The following OTOG variants were observed in gnomAD, a reference collection of about 807,000 sequenced individuals.
The protein encoded by OTOG is otogelin.
OTOG carries 296 observed loss-of-function variants against 313.8 expected under a neutral mutation model. The ratio of observed to expected loss-of-function variants is 0.94; its 90% confidence interval spans 0.86 to 1.04. OTOG has a LOEUF of 1.04. Among genes scored for constraint, OTOG ranks in the 50% least tolerant of loss-of-function variants. The pLI is 0.00. For synonymous variants in OTOG, 1,533 were observed against 1,554.9 expected (o/e 0.99, Z 0.33); for missense variants, 3,948 against 3,840.1 (o/e 1.03, Z -0.74).
At chr11:17,613,185 TCTTTCTTTCTTTTCTTTCTTTCTTTC>T (rs1345453249) in intron 38 of OTOG, among the ~76,000 whole-genome samples, 2 of 98,500 alleles carry the variant, frequency 2.0e-5, no homozygotes, top group Non-Finnish European at 4.0e-5. Flanking sequence ...TTTCTTTCTT[TCTTTCTTTCTTTTCTTTCTTTCTTTC>T]TTTCTTTCTT....
intron 24 of OTOG, among the ~76,000 whole-genome samples, chr11:17,589,730 G>A (rs1294241701): frequency 1.3e-5 from 2 of 151,892 alleles, no homozygotes; most frequent in African/African-American, 2.4e-5. Context: ...CTGTTCTCCC[G>A]TTCCCCTTTA....
chr11:17,565,437 T>G (rs559631186), intron 15 of OTOG, among the ~76,000 whole-genome samples: 83 of 152,328 alleles, frequency 5.4e-4, no homozygotes, highest in Middle Eastern at 3.4e-3. Flanking sequence ...GATTATGACC[T>G]TGATCATCTG....
chr11:17,623,656 T>C (rs1205959203), intron 39 of OTOG, among the ~76,000 whole-genome samples: 2 of 152,254 alleles, frequency 1.3e-5, no homozygotes, highest in African/African-American at 4.8e-5. Flanking sequence ...CCTCTGGGTA[T>C]ATACCCAGTA....
Position 17,633,710 on chromosome 11 carries a change from A to G in OTOG, c.7103A>G (p.Gln2368Arg), listed in dbSNP as rs1193352371. ...CTGTGCTCCAGCGACTCCACATACC[A>G]GGCATGTGTGACAGCCTGTGAGCCA... ...PFLCSSDSTYQACVTACEPPK... is the reference protein window; with the variant it reads ...PFLCSSDSTYRACVTACEPPK... Residue 2368 changes from glutamine to arginine, a missense_variant, in exon 43 of 56, where the codon CAG becomes CGG. By Grantham distance (43) the Gln-to-Arg change is conservative. Transcript: ENST00000399397. The G allele has an allele frequency of 1.9e-6, 3 of 1,547,916 alleles. No individual in the cohort carries two copies. Among genetic ancestry groups the G allele is most frequent in the Admixed American group, 2.0e-5 (1 of 50,756 alleles).
chr11:17,615,736 C>T (rs546638929), intron 39 of OTOG, among the ~76,000 whole-genome samples: 1 of 152,138 alleles, frequency 6.6e-6, no homozygotes, highest in African/African-American at 2.4e-5. Context: ...TGAGACCAGC[C>T]TGACCAACAT....
In OTOG at chr11:17,645,545, C is replaced by T. The variant is rs938689915; in HGVS notation, c.8462-19C>T. ...AGCCTGGTCTTGGCCACAGCTGCCT[C>T]ATCCCCCTGTCCCCCCAGGTAAGGA... is the stretch of plus-strand genomic sequence containing the variant. On this transcript the variant is annotated intron_variant, in intron 54 of 55. Coordinates refer to ENST00000399397, the MANE Select transcript of OTOG (RefSeq NM_001292063.2). 1.3e-6 allele frequency: 2 copies of T among 1,549,390 alleles called. No homozygotes were observed. The highest frequency in any genetic ancestry group is 1.7e-6 in the Non-Finnish European group (2 of 1,146,356).
At chr11:17,554,449 T>A (rs1396850429) in intron 6 of OTOG, among the ~76,000 whole-genome samples, 1 of 152,224 alleles carries the variant, frequency 6.6e-6, no homozygotes, top group Non-Finnish European at 1.5e-5. Context: ...ATGCCTAACC[T>A]GTGTGCTAAA....
At chr11:17,623,098 A>G (rs1390933378) in intron 39 of OTOG, among the ~76,000 whole-genome samples, 1 of 152,186 alleles carries the variant, frequency 6.6e-6, no homozygotes, top group Non-Finnish European at 1.5e-5. Context: ...TGATCCATGT[A>G]AGAACATTTT....
chr11:17,613,248 T>TTTCA (rs1853630782), intron 38 of OTOG, among the ~76,000 whole-genome samples: 3 of 140,848 alleles, frequency 2.1e-5, no homozygotes, highest in African/African-American at 8.6e-5. Flanking sequence ...TCTTTCTTTC[T>TTTCA]TTCTTTCTTT....
intron 49 of OTOG, among the ~76,000 whole-genome samples, chr11:17,640,213 T>C (rs1482578211): frequency 6.6e-6 from 1 of 152,132 alleles, no homozygotes; most frequent in Non-Finnish European, 1.5e-5. Context: ...TTGTTTCTGT[T>C]GTTTTCTCAA....
intron 47 of OTOG, 51 bp from the exon 48 acceptor site, chr11:17,638,400 C>T: frequency 2.8e-6 from 4 of 1,425,160 alleles, no homozygotes; most frequent in South Asian, 1.3e-5. Flanking sequence ...TGAGGATTCA[C>T]ATCCCCAGGT....
At chr11:17,639,620 G>A (rs568812299) in intron 49 of OTOG, among the ~76,000 whole-genome samples, 157 bp downstream of exon 49, 56 of 152,292 alleles carry the variant, frequency 3.7e-4, no homozygotes, top group African/African-American at 1.3e-3. Context: ...GGCTTTCTGG[G>A]TATGGTGCCC....
At chr11:17,615,961 G>A (rs1352625778) in intron 39 of OTOG, among the ~76,000 whole-genome samples, 3 of 152,100 alleles carry the variant, frequency 2.0e-5, no homozygotes, top group Non-Finnish European at 4.4e-5. Context: ...TAATTTATAT[G>A]CTTTTTATTT....
At chr11:17,614,949 A>G (rs758810675) in intron 39 of OTOG, among the ~76,000 whole-genome samples, 1 of 152,238 alleles carries the variant, frequency 6.6e-6, no homozygotes, top group Non-Finnish European at 1.5e-5. Flanking sequence ...GCCAAACTGT[A>G]TTCCAGAGCA....
chr11:17,559,757 A>T, intron 12 of OTOG, 95 bp downstream of exon 12: 5 of 401,806 alleles, frequency 1.2e-5, no homozygotes, highest in East Asian at 2.2e-4. Context: ...TGTTTGTGGA[A>T]GGAAGGAAGG....
chr11:17,579,326 T>C (rs1247185266), intron 23 of OTOG, among the ~76,000 whole-genome samples: 1 of 152,160 alleles, frequency 6.6e-6, no homozygotes, highest in Admixed American at 6.5e-5. Flanking sequence ...CAGTTGGAGC[T>C]TTACTGCTTC....
At position 17,626,362 on chromosome 11, in the gene OTOG, G is replaced by A. The variant is rs562226074; in HGVS notation, c.6529-2771G>A. On this transcript the variant is annotated intron_variant, in intron 39 of 55. Transcript: ENST00000399397. ...GGCTAATTTTTGTGTTTTCAGAAGA[G>A]ACAGGGTTTCACCATGTTGGCCAGG... Among the ~76,000 whole-genome samples, 9 of 152,254 alleles carry A rather than the reference G, an allele frequency of 5.9e-5. No individual in the cohort carries two copies. In the East Asian group the frequency reaches 1.7e-3, roughly 29 times the overall value.
Position 17,547,259 on chromosome 11 carries a change from A to T in OTOG, c.-114A>T, listed in dbSNP as rs1851827240. The T allele has an allele frequency of 2.4e-6, 2 of 837,202 alleles. No homozygotes were observed. Among genetic ancestry groups the T allele is most frequent in the Non-Finnish European group, 3.2e-6 (2 of 623,714 alleles). 51.9% of individuals were successfully genotyped at this position (837,202 alleles called of 1,614,324 possible). A position where few individuals can be genotyped will look rare whatever the true frequency, so the allele number is the denominator to read the frequency against. On this transcript the variant is annotated 5_prime_UTR_variant, in exon 1 of 56. It removes an upstream start codon present in the reference 5' UTR. Coordinates refer to ENST00000399397, the MANE Select transcript of OTOG (RefSeq NM_001292063.2). ...GGAGGGGCTGAGGGAGCCCTGGGGC[A>T]TGAGAACAAGAGGGACCTCGGCTGC...
intron 15 of OTOG, 62 bp downstream of exon 15, chr11:17,561,869 G>A: frequency 1.3e-6 from 2 of 1,540,078 alleles, no homozygotes; most frequent in Non-Finnish European, 8.8e-7. Context: ...GCCCCCAAGA[G>A]AGACTGGGAC....
Sources: gnomAD v4.1 joint callset for allele counts (sites outside exome capture counted in the v4.1 genomes callset) on GRCh38, gnomAD v4.1.1 for gene constraint, MANE v1.5 for transcripts, NCBI Gene and HGNC (gene_info 2026-07-23, HGNC 2026-07-21) for gene names.